Variants in GSAP observed in about 807,000 individuals in gnomAD.
GSAP encodes the protein gamma-secretase activating protein.
Under a neutral mutation model 131.7 loss-of-function variants are expected in GSAP, and 118 were observed. That is an observed-to-expected ratio of 0.90 (90% confidence interval 0.77 to 1.04). The LOEUF (loss-of-function observed/expected upper bound fraction) is 1.04. Among genes scored for constraint, GSAP ranks in the 50% least tolerant of loss-of-function variants. The pLI is 0.00. For missense variants in GSAP, 1,019 were observed against 1,013.2 expected (o/e 1.01, Z -0.08); for synonymous variants, 381 against 363.4 (o/e 1.05, Z -0.55).
At chr7:77,361,733 C>A (rs1794545826) in intron 13 of GSAP, among the ~76,000 whole-genome samples, 1 of 152,170 alleles carries the variant, frequency 6.6e-6, no homozygotes, top group Admixed American at 6.6e-5. Flanking sequence ...AAAACAATAA[C>A]TCCTTAGCAT....
intron 5 of GSAP, among the ~76,000 whole-genome samples, chr7:77,395,742 C>T (rs1251025409): frequency 6.6e-6 from 1 of 152,176 alleles, no homozygotes; most frequent in African/African-American, 2.4e-5. Context: ...CTGGGAGTGC[C>T]TCACAAGCCT....
In GSAP at chr7:77,416,334, A is replaced by T. The variant is rs1212290254; in HGVS notation, c.-13T>A. ...GGCGAAGAGCCATCGCCCGGACACG[A>T]CCACCGGGCGGCTCTGGGGCCCCGC... is the stretch of plus-strand genomic sequence containing the variant. On this transcript the variant is annotated 5_prime_UTR_variant, in exon 1 of 31. Coordinates refer to ENST00000257626, the MANE Select transcript of GSAP (RefSeq NM_017439.4). The T allele has an allele frequency of 5.5e-6, 8 of 1,459,814 alleles. No homozygotes were observed. The highest frequency in any genetic ancestry group is 6.4e-6 in the Non-Finnish European group (7 of 1,097,444). The allele number at this position is 1,459,814 out of a possible 1,614,324, so 90.4% of individuals were successfully genotyped here. A position where few individuals can be genotyped will look rare whatever the true frequency, so the allele number is the denominator to read the frequency against.
Position 77,385,640 on chromosome 7 carries a change from TAGG to T in GSAP, c.456+1717_456+1719del, listed in dbSNP as rs1798454970. Among the ~76,000 whole-genome samples, 5 of 151,766 alleles carry T rather than the reference TAGG, an allele frequency of 3.3e-5. No homozygotes were observed. The South Asian group carries it at 1.0e-3, about 32-fold the overall frequency. The stretch of plus-strand genomic sequence containing the variant: ...TGTAGACGGAGTAGCTTCCTGAGGG[TAGG>T]AGAATGCAGCTTGGGAGCTTCAGGC... On this transcript the variant is annotated intron_variant, in intron 6 of 30. Transcript: ENST00000257626.
chr7:77,333,713 A>C (rs181121053), intron 19 of GSAP, among the ~76,000 whole-genome samples: 27 of 152,354 alleles, frequency 1.8e-4, no homozygotes, highest in Admixed American at 1.6e-3. Context: ...AGTTAGGGCC[A>C]AATCTTTGAG....
chr7:77,362,363 T>G (rs1303300747), intron 13 of GSAP, among the ~76,000 whole-genome samples: 1 of 152,158 alleles, frequency 6.6e-6, no homozygotes, highest in Non-Finnish European at 1.5e-5. Flanking sequence ...GGCACACGCC[T>G]GTAGTCCCAG....
At chr7:77,317,471 A>G (rs1016714817) in intron 26 of GSAP, among the ~76,000 whole-genome samples, 12 of 152,216 alleles carry the variant, frequency 7.9e-5, no homozygotes, top group Non-Finnish European at 1.0e-4. Flanking sequence ...GCACATGTAT[A>G]CCTATGTTAC....
chr7:77,380,503 G>A (rs539407706), intron 8 of GSAP, among the ~76,000 whole-genome samples: 1 of 152,278 alleles, frequency 6.6e-6, no homozygotes, highest in African/African-American at 2.4e-5. Context: ...TGGCAATTTA[G>A]TGAATGTCTA....
chr7:77,401,025 T>C (rs190695938), intron 3 of GSAP, among the ~76,000 whole-genome samples: 25 of 146,112 alleles, frequency 1.7e-4, no homozygotes, highest in African/African-American at 6.4e-4. Flanking sequence ...TTGAAAACAA[T>C]AGAAGTTACC....
chr7:77,391,836 A>G (rs1415243286), intron 5 of GSAP, among the ~76,000 whole-genome samples: 1 of 152,088 alleles, frequency 6.6e-6, no homozygotes, highest in African/African-American at 2.4e-5. Flanking sequence ...CCCTGTCTCA[A>G]AAATAATCAG....
chr7:77,337,137 G>A (rs1306406085), intron 19 of GSAP, among the ~76,000 whole-genome samples: 1 of 152,140 alleles, frequency 6.6e-6, no homozygotes, highest in Non-Finnish European at 1.5e-5. Flanking sequence ...TTACATTCAT[G>A]CTCTGCCCAA....
In GSAP at chr7:77,387,466, CT is replaced by C; in HGVS notation, c.368-19del. 7.5e-7 allele frequency: 1 copy of C among 1,339,224 alleles called. No individual in the cohort carries two copies. Among genetic ancestry groups the C allele is most frequent in the Non-Finnish European group, 1.1e-6 (1 of 932,026 alleles). 83.0% of individuals were successfully genotyped at this position (1,339,224 alleles called of 1,614,324 possible). On this transcript the variant is annotated intron_variant, in intron 5 of 30. Coordinates refer to ENST00000257626, the MANE Select transcript of GSAP (RefSeq NM_017439.4). ...CTTTGATCCTACAGAGAAAAGAAGG[CT>C]TTTAGTAACGAAGATTGTAATATCA...
intron 19 of GSAP, among the ~76,000 whole-genome samples, chr7:77,345,676 C>T (rs1205888154): frequency 6.6e-6 from 1 of 152,202 alleles, no homozygotes; most frequent in Non-Finnish European, 1.5e-5. Flanking sequence ...CACTGAGCAA[C>T]TTGTGACACA....
intron 6 of GSAP, among the ~76,000 whole-genome samples, chr7:77,385,559 A>T (rs1316367781): frequency 6.6e-6 from 1 of 152,180 alleles, no homozygotes; most frequent in African/African-American, 2.4e-5. Flanking sequence ...GAAGCCAAAG[A>T]ACAGACCAGA....
chr7:77,360,682 T>C, intron 14 of GSAP, 142 bp downstream of exon 14: 1 of 556,594 alleles, frequency 1.8e-6, no homozygotes. Context: ...TCTTCTCTCA[T>C]CAGATTTCAA....
At chr7:77,391,650 C>A (rs904153719) in intron 5 of GSAP, among the ~76,000 whole-genome samples, 1 of 151,804 alleles carries the variant, frequency 6.6e-6, no homozygotes, top group Non-Finnish European at 1.5e-5. Context: ...ATAGTGAAAC[C>A]CCATCTCTAC....
chr7:77,411,737 C>CT (rs1046411341), intron 1 of GSAP, among the ~76,000 whole-genome samples: 4 of 152,230 alleles, frequency 2.6e-5, no homozygotes, highest in South Asian at 2.1e-4. Flanking sequence ...TCCAAATCAA[C>CT]TTTTTTTGTA....
rs777981253 is a variant in GSAP, at chr7:77,321,411, G to A, written c.1924-8C>T. On this transcript the variant is annotated splice_region_variant and splice_polypyrimidine_tract_variant and intron_variant, in intron 24 of 30. Transcript: ENST00000257626. ...GTGGCAAATGAGATCCAGCTGGAGG[G>A]TGAAGACAGTCCATTAACCATTGCT... is the stretch of plus-strand genomic sequence containing the variant. 1 of 1,579,392 alleles carries A rather than the reference G, an allele frequency of 6.3e-7. No homozygotes were observed. Among genetic ancestry groups the A allele is most frequent in the Non-Finnish European group, 8.7e-7 (1 of 1,148,514 alleles).
At chr7:77,383,699 G>A (rs1050349748) in intron 6 of GSAP, among the ~76,000 whole-genome samples, 9 of 152,246 alleles carry the variant, frequency 5.9e-5, no homozygotes, top group African/African-American at 1.4e-4. Flanking sequence ...CTGGTCACAG[G>A]ATGACTCAAA....
chr7:77,324,756 G>A (rs554754673), intron 23 of GSAP, among the ~76,000 whole-genome samples: 26 of 138,782 alleles, frequency 1.9e-4, no homozygotes, highest in South Asian at 6.8e-4. Context: ...TAACAATTGC[G>A]TTTTTTTTTT....
Sources: gnomAD v4.1 joint callset for allele counts (sites outside exome capture counted in the v4.1 genomes callset) on GRCh38, gnomAD v4.1.1 for gene constraint, MANE v1.5 for transcripts, NCBI Gene and HGNC (gene_info 2026-07-23, HGNC 2026-07-21) for gene names.